Variants in MGA observed in about 807,000 individuals in gnomAD.
MGA encodes MAX dimerization protein MGA.
In MGA, 40 loss-of-function variants were observed where a neutral mutation model predicts 261.1. That is an observed-to-expected ratio of 0.15 (90% confidence interval 0.12 to 0.20). The LOEUF is 0.20. Ranked by LOEUF, MGA falls within the 10% of genes least tolerant of loss-of-function variation. The pLI is 1.00. For missense variants in MGA, 3,397 were observed against 3,630.5 expected (o/e 0.94, Z 1.65); for synonymous variants, 1,302 against 1,290.6 (o/e 1.01, Z -0.19).
At chr15:41,727,671 A>G (rs553983389) in intron 10 of MGA, among the ~76,000 whole-genome samples, 1 of 152,328 alleles carries the variant, frequency 6.6e-6, no homozygotes, top group East Asian at 1.9e-4. Flanking sequence ...GGCTTGGAAA[A>G]AGTTTTTTAA....
At chr15:41,699,818 T>C (rs1431738927) in intron 5 of MGA, among the ~76,000 whole-genome samples, 1 of 152,148 alleles carries the variant, frequency 6.6e-6, no homozygotes, top group Non-Finnish European at 1.5e-5. Context: ...TTTAGTAGTA[T>C]ATTTAGGTGT....
At chr15:41,648,561 G>A (rs111549859) in intron 1 of MGA, among the ~76,000 whole-genome samples, 1 of 152,186 alleles carries the variant, frequency 6.6e-6, no homozygotes, top group African/African-American at 2.4e-5. Flanking sequence ...GTGATATTTA[G>A]ACAAACTGGT....
At chr15:41,656,418 T>G (rs1024322385), upstream of MGA, among the ~76,000 whole-genome samples, 22 of 140,786 alleles carry the variant, frequency 1.6e-4, no homozygotes, top group African/African-American at 5.3e-4. Context: ...CTTGACTCAC[T>G]GCAACCTCTG....
intron 1 of MGA, among the ~76,000 whole-genome samples, chr15:41,649,211 G>A (rs909490278): frequency 7.2e-5 from 11 of 151,734 alleles, no homozygotes; most frequent in Non-Finnish European, 2.9e-5. Flanking sequence ...GTGAAACTTC[G>A]TCTCTACTGA....
chr15:41,688,560 G>A (rs2059093675), intron 2 of MGA, among the ~76,000 whole-genome samples: 2 of 151,912 alleles, frequency 1.3e-5, no homozygotes, highest in South Asian at 2.1e-4. Context: ...TTAACCTTTG[G>A]CTTTTAATTG....
chr15:41,688,755 A>T (rs1029736226), intron 2 of MGA, among the ~76,000 whole-genome samples: 3 of 152,078 alleles, frequency 2.0e-5, no homozygotes, highest in Non-Finnish European at 4.4e-5. Context: ...GCATTTGTCT[A>T]CTCAGGCTGC....
In MGA at chr15:41,725,872, A is replaced by G. The variant is rs2061217228; in HGVS notation, c.3431-1308A>G. 1.3e-5 allele frequency among the ~76,000 whole-genome samples: 2 copies of G among 149,552 alleles called. 1 individual carries two copies. Among genetic ancestry groups the G allele is most frequent in the Non-Finnish European group, 3.0e-5 (2 of 67,574 alleles). On this transcript the variant is annotated intron_variant, in intron 9 of 23. Transcript: ENST00000219905. ...AAAAAAAAAATAAATAAATAAATAAATAAATAAGTAAACCCAGGAGCCTCT... is the reference window on the plus strand; with the variant it reads ...AAAAAAAAAATAAATAAATAAATAAGTAAATAAGTAAACCCAGGAGCCTCT...
intron 2 of MGA, among the ~76,000 whole-genome samples, chr15:41,690,446 CCT>C (rs2059216319): frequency 6.6e-6 from 1 of 152,118 alleles, no homozygotes; most frequent in South Asian, 2.1e-4. Context: ...ACCATTCTTT[CCT>C]CTCTTGAATT....
At chr15:41,721,877 T>G (rs1372091634) in intron 9 of MGA, among the ~76,000 whole-genome samples, 1 of 152,186 alleles carries the variant, frequency 6.6e-6, no homozygotes, top group African/African-American at 2.4e-5. Context: ...CTGTATTATA[T>G]AAGAATATTT....
At chr15:41,662,041 C>T (rs1033268538) in intron 1 of MGA, among the ~76,000 whole-genome samples, 3 of 152,054 alleles carry the variant, frequency 2.0e-5, no homozygotes, top group Non-Finnish European at 4.4e-5. Context: ...TAGTCGACGG[C>T]GTCTGCTCCT....
chr15:41,709,473 C>G (rs139893694), intron 7 of MGA, among the ~76,000 whole-genome samples: 5 of 152,238 alleles, frequency 3.3e-5, no homozygotes, highest in African/African-American at 1.2e-4. Flanking sequence ...AAGACGGGGT[C>G]TTGCTCCATT....
chr15:41,760,297 T>C, intron 19 of MGA, 26 bp from the exon 20 acceptor site: 1 of 1,610,106 alleles, frequency 6.2e-7, no homozygotes, highest in Non-Finnish European at 8.5e-7. Context: ...GTTCAAGATG[T>C]TTAGGAGGCA....
intron 14 of MGA, among the ~76,000 whole-genome samples, chr15:41,741,176 A>G (rs1016468136): frequency 6.6e-6 from 1 of 151,990 alleles, no homozygotes; most frequent in Admixed American, 6.6e-5. Flanking sequence ...GTGAAACCCC[A>G]TCTCTACTAA....
rs565447622 is a variant in MGA at position 41,717,277 on chromosome 15, C to T, written c.3430+3781C>T. 8.5e-5 allele frequency among the ~76,000 whole-genome samples: 13 copies of T among 152,222 alleles called. No individual in the cohort carries two copies. The South Asian group carries it at 2.7e-3, about 32-fold the overall frequency. On this transcript the variant is annotated intron_variant, in intron 9 of 23. Coordinates refer to ENST00000219905, the MANE Select transcript of MGA (RefSeq NM_001164273.2). ...GGCTGTGCAGAGGTACTGTGCCTAG[C>T]TGTTGTGGGTAGTACCAAGGGAAAG...
intron 1 of MGA, among the ~76,000 whole-genome samples, chr15:41,623,761 A>T (rs2056370115): frequency 8.0e-6 from 1 of 124,300 alleles, no homozygotes; most frequent in Non-Finnish European, 1.7e-5. Flanking sequence ...TGAATTATTT[A>T]TATATATATA....
intron 22 of MGA, among the ~76,000 whole-genome samples, chr15:41,763,399 C>G (rs1460692213): frequency 6.6e-6 from 1 of 151,244 alleles, no homozygotes; most frequent in Non-Finnish European, 1.5e-5. Context: ...CTGCGCCTGG[C>G]CATCAGGCTC....
chr15:41,667,896 T>C (rs1010123160), intron 1 of MGA, among the ~76,000 whole-genome samples: 2 of 152,116 alleles, frequency 1.3e-5, no homozygotes, highest in African/African-American at 2.4e-5. Context: ...TTCTGCCTCC[T>C]AGGATCAAGT....
At chr15:41,643,196 G>A (rs1013614679) in intron 1 of MGA, among the ~76,000 whole-genome samples, 4 of 146,266 alleles carry the variant, frequency 2.7e-5, no homozygotes, top group Non-Finnish European at 6.0e-5. Context: ...GAGCCATGGT[G>A]CCTGGCTCTT....
At chr15:41,688,004 T>C (rs1485938297) in intron 2 of MGA, among the ~76,000 whole-genome samples, 3 of 152,208 alleles carry the variant, frequency 2.0e-5, no homozygotes, top group Admixed American at 6.5e-5. Context: ...TAGGTACATA[T>C]ACTTCTAGGG....
Sources: allele counts gnomAD v4.1 joint callset (sites outside exome capture counted in the v4.1 genomes callset), GRCh38; gene constraint gnomAD v4.1.1; transcripts MANE v1.5; gene names NCBI Gene and HGNC (gene_info 2026-07-23, HGNC 2026-07-21).